JAK1: variants seen among roughly 807,000 people sequenced by gnomAD.
JAK1 encodes tyrosine-protein kinase JAK1.
A neutral mutation model predicts 136.6 loss-of-function variants in JAK1; 16 were observed. The ratio of observed to expected loss-of-function variants is 0.12; its 90% CI spans 0.08 to 0.18. The LOEUF (loss-of-function observed/expected upper bound fraction) is 0.18. Ranked by LOEUF, JAK1 falls within the 10% of genes least tolerant of loss-of-function variation. The pLI is 1.00. For missense variants in JAK1, 859 were observed against 1,450.1 expected, an observed-to-expected ratio of 0.59 and a Z score of 6.62; for synonymous variants, 492 against 519.5, an observed-to-expected ratio of 0.95 and a Z score of 0.72.
At chr1:64,847,454 GT>G (rs1388867708) in intron 13 of JAK1, 77 bp downstream of exon 13, 1 of 1,545,070 alleles carries the variant, frequency 6.5e-7, no homozygotes, top group Non-Finnish European at 8.9e-7. Context: ...AAGGGCAAGG[GT>G]TCTTCTCAAC....
intron 4 of JAK1, among the ~76,000 whole-genome samples, chr1:64,878,601 ATATATC>A (rs1644718951): frequency 7.5e-6 from 1 of 132,860 alleles, no homozygotes; most frequent in African/African-American, 2.6e-5. Flanking sequence ...ATATATATAT[ATATATC>A]TCAAAAGTTT....
chr1:64,852,119 T>C (rs1319236976), intron 11 of JAK1, among the ~76,000 whole-genome samples: 1 of 152,248 alleles, frequency 6.6e-6, no homozygotes, highest in Non-Finnish European at 1.5e-5. Context: ...TAAGCTCACA[T>C]ATTCCGACTG....
At chr1:65,038,479 G>A (rs139180231) in intron 2 of JAK1, among the ~76,000 whole-genome samples, 2,989 of 152,096 alleles carry the variant, frequency 0.02, 86 homozygotes, top group African/African-American at 0.065. Context: ...AATTACAGGC[G>A]TGAGCCACCA....
intron 1 of JAK1, among the ~76,000 whole-genome samples, chr1:64,923,118 C>T (rs955065778): frequency 2.6e-5 from 4 of 152,100 alleles, no homozygotes; most frequent in African/African-American, 7.2e-5. Context: ...TACTTACTAC[C>T]CTTCAAGGCC....
intron 1 of JAK1, among the ~76,000 whole-genome samples, chr1:64,897,771 G>C: frequency 7.7e-6 from 1 of 129,908 alleles, no homozygotes; most frequent in African/African-American, 2.7e-5. Flanking sequence ...AATTCCTCAA[G>C]TGGAAAGTCC....
At position 64,996,431 on chromosome 1, in the gene JAK1, T is replaced by A. The variant is rs532674834; in HGVS notation, c.-78+48049A>T. 1.8e-4 allele frequency among the ~76,000 whole-genome samples: 28 copies of A among 152,344 alleles called. No homozygotes were observed. The South Asian group carries it at 5.8e-3, about 32-fold the overall frequency. On this transcript the variant is annotated intron_variant, in intron 2 of 25. Transcript: ENST00000671954. ...ATATTTCCCCATATTATAGATACAGTGATATTTCCCGAATTAAAAATGTAG... is the reference window on the plus strand; with the variant it reads ...ATATTTCCCCATATTATAGATACAGAGATATTTCCCGAATTAAAAATGTAG...
intron 9 of JAK1, 117 bp from the exon 10 acceptor site, chr1:64,857,896 C>T (rs1656042127): frequency 7.9e-7 from 1 of 1,262,576 alleles, no homozygotes; most frequent in East Asian, 2.3e-5. Flanking sequence ...ACACTATCTG[C>T]CCTGCCTGGG....
intron 1 of JAK1, among the ~76,000 whole-genome samples, chr1:64,949,988 A>T (rs757264458): frequency 2.0e-5 from 3 of 152,258 alleles, no homozygotes; most frequent in Non-Finnish European, 2.9e-5. Flanking sequence ...ATAGAATAAA[A>T]AAGTTTAAGA....
At chr1:64,839,383 A>G (rs1345241706) in intron 20 of JAK1, 12 of 458,798 alleles carry the variant, frequency 2.6e-5, no homozygotes, top group Non-Finnish European at 4.2e-5. Flanking sequence ...ACAGTGCTGG[A>G]ACCAGCCCCT....
chr1:64,966,592 AC>A (rs1393243282), upstream of JAK1: 1 of 4,746 alleles, frequency 2.1e-4, no homozygotes, highest in Non-Finnish European at 4.9e-4. Flanking sequence ...GGCCGGCCCC[AC>A]CCCCGTGGCC....
intron 1 of JAK1, among the ~76,000 whole-genome samples, chr1:65,057,595 G>A (rs1647603422): frequency 6.6e-6 from 1 of 152,094 alleles, no homozygotes; most frequent in South Asian, 2.1e-4. Context: ...AGGTTGAGGT[G>A]GGAGGATTGC....
At chr1:64,941,778 T>C (rs1388290948) in intron 1 of JAK1, among the ~76,000 whole-genome samples, 1 of 152,158 alleles carries the variant, frequency 6.6e-6, no homozygotes, top group Non-Finnish European at 1.5e-5. Flanking sequence ...CTAAGTTTAG[T>C]GGAAATGTCT....
chr1:64,879,205 G>A (rs953468804), intron 3 of JAK1, 57 bp from the exon 4 acceptor site: 34 of 1,600,088 alleles, frequency 2.1e-5, no homozygotes, highest in South Asian at 1.9e-4. Flanking sequence ...TTGGCCATCT[G>A]TTTCTAAACC....
chr1:64,950,667 G>A (rs1184313879), intron 1 of JAK1, among the ~76,000 whole-genome samples: 2 of 152,052 alleles, frequency 1.3e-5, no homozygotes, highest in African/African-American at 4.8e-5. Context: ...GAATCCCCAC[G>A]GTAAGGGGTG....
chr1:64,840,484 C>T (rs185042777), intron 19 of JAK1, among the ~76,000 whole-genome samples: 1 of 152,284 alleles, frequency 6.6e-6, no homozygotes, highest in Non-Finnish European at 1.5e-5. Context: ...CATTTAAGGT[C>T]CAAAGAAACG....
intron 1 of JAK1, among the ~76,000 whole-genome samples, chr1:64,889,970 C>T (rs147300644): frequency 2.9e-4 from 44 of 152,332 alleles, no homozygotes; most frequent in African/African-American, 1.0e-3. Context: ...GAAACCATCA[C>T]ACCTACAATG....
At chr1:64,835,276 T>C (rs1654404162) in intron 24 of JAK1, 120 bp downstream of exon 24, 2 of 553,800 alleles carry the variant, frequency 3.6e-6, no homozygotes, top group African/African-American at 2.0e-5. Flanking sequence ...CAGAAAACTA[T>C]TTTACAAGGA....
At chr1:64,940,887 G>A (rs906027464) in intron 1 of JAK1, among the ~76,000 whole-genome samples, 3 of 152,128 alleles carry the variant, frequency 2.0e-5, no homozygotes, top group African/African-American at 4.8e-5. Flanking sequence ...TTGGCCAGGC[G>A]CAGTCAGTCA....
At chr1:64,914,400 C>T (rs1645355710) in intron 1 of JAK1, among the ~76,000 whole-genome samples, 1 of 152,168 alleles carries the variant, frequency 6.6e-6, no homozygotes. Context: ...ACTTTGAGAA[C>T]TGCTAAAGAA....
Sources: allele counts gnomAD v4.1 joint callset (sites outside exome capture counted in the v4.1 genomes callset), GRCh38; gene constraint gnomAD v4.1.1; transcripts MANE v1.5; gene names NCBI Gene and HGNC (gene_info 2026-07-23, HGNC 2026-07-21).